SLC9A9: variants seen among roughly 807,000 people sequenced by gnomAD.
SLC9A9 encodes sodium/hydrogen exchanger 9.
SLC9A9 carries 62 observed loss-of-function variants against 77.8 expected under a neutral mutation model. That is an observed-to-expected ratio of 0.80 (90% CI 0.65 to 0.98). The LOEUF is 0.98. Among genes scored for constraint, SLC9A9 ranks in the 50% least tolerant of loss-of-function variants. The pLI, the probability that SLC9A9 is intolerant of heterozygous loss-of-function variation, is 0.00. For synonymous variants in SLC9A9, 320 were observed against 283.5 expected (o/e 1.13, Z -1.29); for missense variants, 775 against 774.9 (o/e 1.00, Z 0.00).
intron 6 of SLC9A9, among the ~76,000 whole-genome samples, chr3:143,591,838 T>TG (rs1458790704): frequency 6.6e-6 from 1 of 152,138 alleles, no homozygotes. Flanking sequence ...GTCAGAGGCT[T>TG]GGGGAACATG....
intron 12 of SLC9A9, among the ~76,000 whole-genome samples, chr3:143,398,501 T>C (rs2033779453): frequency 6.6e-6 from 1 of 152,208 alleles, no homozygotes; most frequent in Non-Finnish European, 1.5e-5. Flanking sequence ...AATATTCATG[T>C]ATTATATAAA....
chr3:143,572,225 TAGA>T (rs1165791226), intron 8 of SLC9A9, among the ~76,000 whole-genome samples: 1 of 152,096 alleles, frequency 6.6e-6, no homozygotes, highest in African/African-American at 2.4e-5. Flanking sequence ...ATGTAGTTGA[TAGA>T]AGAAGATCTT....
chr3:143,653,834 A>G (rs1275499380), intron 5 of SLC9A9, among the ~76,000 whole-genome samples: 1 of 152,172 alleles, frequency 6.6e-6, no homozygotes, highest in Non-Finnish European at 1.5e-5. Context: ...ACCAATGACC[A>G]CTGTGCTTTG....
intron 12 of SLC9A9, among the ~76,000 whole-genome samples, chr3:143,393,460 G>A (rs2033620609): frequency 6.6e-6 from 1 of 152,150 alleles, no homozygotes; most frequent in Non-Finnish European, 1.5e-5. Flanking sequence ...AGTGTGTAGA[G>A]GGAAACTTAT....
chr3:143,567,020 A>G (rs541556913), intron 8 of SLC9A9, among the ~76,000 whole-genome samples: 11 of 152,294 alleles, frequency 7.2e-5, no homozygotes, highest in African/African-American at 2.6e-4. Context: ...TTCAATATTC[A>G]TTTAAAAATA....
At chr3:143,594,088 T>TA (rs2037709626) in intron 6 of SLC9A9, among the ~76,000 whole-genome samples, 2 of 152,088 alleles carry the variant, frequency 1.3e-5, no homozygotes, top group Admixed American at 6.5e-5. Context: ...TTCTGGATTT[T>TA]AAAAAAAGAG....
At chr3:143,662,632 C>T (rs114204895) in intron 5 of SLC9A9, among the ~76,000 whole-genome samples, 42 of 152,106 alleles carry the variant, frequency 2.8e-4, no homozygotes, top group African/African-American at 8.9e-4. Context: ...TCTTAGCAAA[C>T]GGTACTCCAG....
intron 9 of SLC9A9, among the ~76,000 whole-genome samples, chr3:143,552,058 G>A (rs2036897741): frequency 6.6e-6 from 1 of 152,004 alleles, no homozygotes; most frequent in African/African-American, 2.4e-5. Flanking sequence ...GCCTTATAAT[G>A]CTTTTAGATG....
At chr3:143,599,077 T>C (rs1159366916) in intron 6 of SLC9A9, among the ~76,000 whole-genome samples, 1 of 152,216 alleles carries the variant, frequency 6.6e-6, no homozygotes, top group Non-Finnish European at 1.5e-5. Context: ...GAGCTATTTC[T>C]TCTGTCACAT....
At chr3:143,764,176 G>A (rs766993591) in intron 4 of SLC9A9, among the ~76,000 whole-genome samples, 11 of 152,144 alleles carry the variant, frequency 7.2e-5, no homozygotes, top group Non-Finnish European at 1.2e-4. Flanking sequence ...TTCTCATCAA[G>A]AGTCTGATGG....
chr3:143,578,838 G>C, intron 6 of SLC9A9, 115 bp from the exon 7 acceptor site: 1 of 1,255,844 alleles, frequency 8.0e-7, no homozygotes, highest in African/African-American at 1.5e-5. Flanking sequence ...GTGCTGGTTG[G>C]AAGAGTTAGG....
intron 12 of SLC9A9, among the ~76,000 whole-genome samples, chr3:143,412,666 C>T (rs1324541119): frequency 3.9e-5 from 6 of 152,198 alleles, no homozygotes; most frequent in Non-Finnish European, 7.3e-5. Context: ...CAGGAAGCAT[C>T]AGTTGGAATT....
In SLC9A9 at chr3:143,518,370, G is replaced by C. The variant is rs531064273; in HGVS notation, c.1090-22922C>G. ...AATATTATTTGTTATCTATTGAGTA[G>C]ATATTATGGAATGTTTATAACTGTG... On this transcript the variant is annotated intron_variant, in intron 9 of 15. Transcript: ENST00000316549. 1.4e-3 allele frequency: 875 copies of C among 609,514 alleles called. 16 individuals carry two copies. The highest frequency in any genetic ancestry group is 2.2e-3 in the Middle Eastern group (5 of 2,286). The allele number at this position is 609,514 out of a possible 1,614,324, so 37.8% of individuals were successfully genotyped here. A position where few individuals can be genotyped will look rare whatever the true frequency, so the allele number is the denominator to read the frequency against.
intron 11 of SLC9A9, among the ~76,000 whole-genome samples, chr3:143,468,226 G>C (rs923084990): frequency 6.6e-6 from 1 of 152,170 alleles, no homozygotes; most frequent in Admixed American, 6.5e-5. Context: ...TGCATATTTA[G>C]GTTTTTAAGA....
chr3:143,456,471 G>A (rs1168817145), intron 12 of SLC9A9, among the ~76,000 whole-genome samples: 1 of 151,932 alleles, frequency 6.6e-6, no homozygotes, highest in East Asian at 1.9e-4. Context: ...TAGAATTAGT[G>A]TTGTATCTTC....
rs1459309618 is a variant in SLC9A9, at chr3:143,743,241, G to GGATGGATAGATA, written c.534-49935_534-49934insTATCTATCCATC. On this transcript the variant is annotated intron_variant, in intron 4 of 15. Coordinates refer to ENST00000316549, the MANE Select transcript of SLC9A9 (RefSeq NM_173653.4). ...TGGATGGATGGATGGATGGATGGAT[G>GGATGGATAGATA]GATAGATAGATAGATAGATAGATAG... Among the ~76,000 whole-genome samples the GGATGGATAGATA allele has an allele frequency of 4.0e-3, 536 of 133,636 alleles. 3 individuals carry two copies. Among genetic ancestry groups the GGATGGATAGATA allele is most frequent in the Admixed American group, 7.0e-3 (91 of 12,912 alleles). The allele number at this position is 133,636 out of a possible 152,430, so 87.7% of individuals were successfully genotyped here. A position where few individuals can be genotyped will look rare whatever the true frequency, so the allele number is the denominator to read the frequency against.
intron 9 of SLC9A9, among the ~76,000 whole-genome samples, chr3:143,551,614 T>G (rs1395709843): frequency 3.3e-5 from 5 of 152,212 alleles, no homozygotes; most frequent in Non-Finnish European, 7.3e-5. Flanking sequence ...TCTGGAAACT[T>G]TCTCCTGACT....
intron 14 of SLC9A9, among the ~76,000 whole-genome samples, chr3:143,279,744 T>C (rs558941052): frequency 4.4e-4 from 67 of 152,314 alleles, no homozygotes; most frequent in Non-Finnish European, 7.4e-4. Flanking sequence ...GGACATGAAC[T>C]CATCCTTTTT....
chr3:143,804,323 G>A (rs549672249), intron 2 of SLC9A9, among the ~76,000 whole-genome samples: 1 of 152,184 alleles, frequency 6.6e-6, no homozygotes, highest in African/African-American at 2.4e-5. Flanking sequence ...TCTCCTCCCA[G>A]GCCCTCTTCT....
Sources: allele counts gnomAD v4.1 joint callset (sites outside exome capture counted in the v4.1 genomes callset), GRCh38; gene constraint gnomAD v4.1.1; transcripts MANE v1.5; gene names NCBI Gene and HGNC (gene_info 2026-07-23, HGNC 2026-07-21).